The following BCAS3 variants were observed in gnomAD, a reference collection of about 807,000 sequenced individuals.
BCAS3 encodes the protein BCAS4/BCAS3 fusion.
A neutral mutation model predicts 116.1 loss-of-function variants in BCAS3; 53 were observed. The observed-to-expected ratio is 0.46, with a 90% confidence interval of 0.37 to 0.57. The LOEUF (loss-of-function observed/expected upper bound fraction) is 0.57, where lower values mean the gene tolerates loss of function less well. BCAS3 is among the 20% of genes least tolerant of loss of function. The probability of loss-of-function intolerance (pLI) is 0.00; values close to 1 mark genes in which losing one functional copy is unlikely to be tolerated. For missense variants in BCAS3, 917 were observed against 1,165.4 expected, an observed-to-expected ratio of 0.79 and a Z score of 3.10; for synonymous variants, 391 against 408.2, an observed-to-expected ratio of 0.96 and a Z score of 0.51.
intron 6 of BCAS3, among the ~76,000 whole-genome samples, chr17:60,798,098 T>TCTTCCCA (rs2047379659): frequency 6.6e-6 from 1 of 152,176 alleles, no homozygotes; most frequent in African/African-American, 2.4e-5. Context: ...AGGCACTACC[T>TCTTCCCA]CTTCCCACTT....
intron 9 of BCAS3, among the ~76,000 whole-genome samples, chr17:60,881,232 C>G (rs1008957624): frequency 6.6e-6 from 1 of 152,138 alleles, no homozygotes; most frequent in Non-Finnish European, 1.5e-5. Flanking sequence ...CCTCGGCCTC[C>G]CAAAGTGCTG....
chr17:61,108,198 A>G (rs1313798869), intron 22 of BCAS3, among the ~76,000 whole-genome samples: 1 of 152,182 alleles, frequency 6.6e-6, no homozygotes, highest in Non-Finnish European at 1.5e-5. Context: ...TCTTTTCTCT[A>G]AAGTCTACTT....
At chr17:60,783,132 A>G (rs2045973957) in intron 6 of BCAS3, among the ~76,000 whole-genome samples, 1 of 152,204 alleles carries the variant, frequency 6.6e-6, no homozygotes, top group African/African-American at 2.4e-5. Context: ...AATGAACCCT[A>G]AACTATGGAC....
At chr17:60,886,788 G>A (rs59153606) in intron 9 of BCAS3, among the ~76,000 whole-genome samples, 14,821 of 151,532 alleles carry the variant, frequency 0.098, 2,386 homozygotes, top group African/African-American at 0.34. Flanking sequence ...CACTTGAGGA[G>A]GCAGTCTGCC....
chr17:61,287,554 C>T (rs1158790928), intron 22 of BCAS3, among the ~76,000 whole-genome samples: 2 of 151,760 alleles, frequency 1.3e-5, no homozygotes, highest in Non-Finnish European at 2.9e-5. Flanking sequence ...AGTGAGACCT[C>T]GTCTCTATGA....
chr17:60,980,235 A>C (rs974523417), intron 14 of BCAS3, among the ~76,000 whole-genome samples: 1 of 152,196 alleles, frequency 6.6e-6, no homozygotes, highest in Admixed American at 6.5e-5. Context: ...AAGTGGCTAC[A>C]CCATTTATAT....
chr17:60,926,964 GA>G (rs1463732015), intron 13 of BCAS3, among the ~76,000 whole-genome samples: 2 of 152,128 alleles, frequency 1.3e-5, no homozygotes, highest in African/African-American at 4.8e-5. Flanking sequence ...TTATAACTAT[GA>G]TGTAATTTAT....
chr17:60,971,048 C>G (rs1362569133), intron 14 of BCAS3, among the ~76,000 whole-genome samples: 2 of 152,312 alleles, frequency 1.3e-5, no homozygotes, highest in East Asian at 3.9e-4. Flanking sequence ...CAGTGCAGTG[C>G]AGGGTACTGT....
At chr17:60,815,446 TAAAA>T (rs543186047) in intron 7 of BCAS3, among the ~76,000 whole-genome samples, 2 of 144,402 alleles carry the variant, frequency 1.4e-5, no homozygotes, top group Non-Finnish European at 1.5e-5. Context: ...AGTGTAATAA[TAAAA>T]AAAAAGGAAA....
In BCAS3 at chr17:61,180,502, C is replaced by T. The variant is rs574704876; in HGVS notation, c.2425+95938C>T. Among the ~76,000 whole-genome samples, 11 of 152,348 alleles carry T rather than the reference C, an allele frequency of 7.2e-5. No individual in the cohort carries two copies. The South Asian group carries it at 1.0e-3, about 14-fold the overall frequency. On this transcript the variant is annotated intron_variant, in intron 22 of 23. Coordinates refer to ENST00000407086, the MANE Select transcript of BCAS3 (RefSeq NM_017679.5). The surrounding 1 kb of genome is among the most constrained non-coding windows in gnomAD (Gnocchi z 6.0). The stretch of plus-strand genomic sequence containing the variant: ...ATGAAAGAAATAATGAAAATTCTCC[C>T]TTGCCTCAGGGTAAGTAGTAGACTG...
At chr17:60,829,434 C>T (rs1411329490) in intron 7 of BCAS3, among the ~76,000 whole-genome samples, 1 of 149,974 alleles carries the variant, frequency 6.7e-6, no homozygotes, top group Non-Finnish European at 1.5e-5. Flanking sequence ...GCAGAGGTTA[C>T]AGTGAGCTGA....
intron 22 of BCAS3, among the ~76,000 whole-genome samples, chr17:61,187,078 A>G (rs1201764554): frequency 6.6e-6 from 1 of 152,198 alleles, no homozygotes. Flanking sequence ...AAAATGAAGT[A>G]ACCCTTATTT....
chr17:60,683,083 A>G (rs2033427283), intron 2 of BCAS3, among the ~76,000 whole-genome samples: 1 of 152,008 alleles, frequency 6.6e-6, no homozygotes, highest in Non-Finnish European at 1.5e-5. Flanking sequence ...CCTCATTTTT[A>G]TGCATTTTAA....
chr17:60,826,406 C>T (rs148984777), intron 7 of BCAS3, among the ~76,000 whole-genome samples: 27 of 152,114 alleles, frequency 1.8e-4, no homozygotes, highest in Admixed American at 3.9e-4. Context: ...AATTCCTGGG[C>T]TCAAGTGATT....
At chr17:60,779,907 G>C (rs1394295611) in intron 6 of BCAS3, among the ~76,000 whole-genome samples, 1 of 151,978 alleles carries the variant, frequency 6.6e-6, no homozygotes, top group Non-Finnish European at 1.5e-5. Context: ...AGGAGATAAG[G>C]CTCTGATATG....
chr17:60,774,978 G>A (rs1254036748), intron 6 of BCAS3, among the ~76,000 whole-genome samples: 1 of 152,162 alleles, frequency 6.6e-6, no homozygotes, highest in Admixed American at 6.5e-5. Context: ...TCAGCATTTT[G>A]CCTTAGTTCC....
At position 61,227,063 on chromosome 17, in the gene BCAS3, G is replaced by A. The variant is rs2082406567; in HGVS notation, c.2426-141264G>A. The stretch of plus-strand genomic sequence containing the variant: ...GGGTGTATGAGGTGGTTAACTGTGT[G>A]CAACGCCCCTTTCCCATAGGTTATG... On this transcript the variant is annotated intron_variant, in intron 22 of 23. Coordinates refer to ENST00000407086, the MANE Select transcript of BCAS3 (RefSeq NM_017679.5). The surrounding 1 kb of genome is among the most constrained non-coding windows in gnomAD (Gnocchi z 6.1). 6.6e-6 allele frequency among the ~76,000 whole-genome samples: 1 copy of A among 152,202 alleles called. No individual in the cohort carries two copies. Among genetic ancestry groups the A allele is most frequent in the African/African-American group, 2.4e-5 (1 of 41,444 alleles).
At chr17:60,914,190 G>A (rs1453895444) in intron 12 of BCAS3, among the ~76,000 whole-genome samples, 2 of 152,170 alleles carry the variant, frequency 1.3e-5, no homozygotes, top group African/African-American at 4.8e-5. Flanking sequence ...TCATCCTACT[G>A]TGATAAGTGG....
At position 61,141,692 on chromosome 17, in the gene BCAS3, A is replaced by G. The variant is rs558509090; in HGVS notation, c.2425+57128A>G. On this transcript the variant is annotated intron_variant, in intron 22 of 23. Coordinates refer to ENST00000407086, the MANE Select transcript of BCAS3 (RefSeq NM_017679.5). This position sits in a 1 kb window ranked among gnomAD's most constrained non-coding sequence, Gnocchi z 4.3. Reference sequence around the variant, plus strand: ...CTGAGGTGGGCGGATCACGAGGTCAAGAGATCAAGACCATCCCGGCCAACA... The same window carrying G: ...CTGAGGTGGGCGGATCACGAGGTCAGGAGATCAAGACCATCCCGGCCAACA... 4.6e-5 allele frequency among the ~76,000 whole-genome samples: 7 copies of G among 152,062 alleles called. No individual in the cohort carries two copies. The highest frequency in any genetic ancestry group is 8.8e-5 in the Non-Finnish European group (6 of 67,986).
Sources: gnomAD v4.1 joint callset for allele counts (sites outside exome capture counted in the v4.1 genomes callset) on GRCh38, gnomAD v4.1.1 for gene constraint, Gnocchi (gnomAD v3.1) non-coding constraint, MANE v1.5 for transcripts, NCBI Gene and HGNC (gene_info 2026-07-23, HGNC 2026-07-21) for gene names.